Variants in CXADR observed in about 807,000 individuals in gnomAD.
CXADR encodes coxsackievirus and adenovirus receptor.
CXADR carries 20 observed loss-of-function variants against 40.3 expected under a neutral mutation model. The observed-to-expected ratio is 0.50, with a 90% CI of 0.35 to 0.72. The LOEUF (loss-of-function observed/expected upper bound fraction) is 0.72, where lower values mean the gene tolerates loss of function less well. CXADR is among the 30% of genes least tolerant of loss of function. The pLI is 0.01. For synonymous variants in CXADR, 150 were observed against 161.3 expected, an observed-to-expected ratio of 0.93 and a Z score of 0.53; for missense variants, 332 against 449.1, an observed-to-expected ratio of 0.74 and a Z score of 2.36.
At position 17,569,352 on chromosome 21, in the gene CXADR, T is replaced by G. The variant is rs2061255198; in HGVS notation, c.*3660T>G. 1 of 979,496 alleles carries G rather than the reference T, an allele frequency of 1.0e-6. No individual in the cohort carries two copies. Among genetic ancestry groups the G allele is most frequent in the African/African-American group, 1.8e-5 (1 of 55,526 alleles). The allele number at this position is 979,496 out of a possible 1,614,324, so 60.7% of individuals were successfully genotyped here. ...GCACAATTTTAACTTCTTAGTGGCT[T>G]GTGACATTATATATTATATATATAT... On this transcript the variant is annotated 3_prime_UTR_variant, in exon 7 of 7. Coordinates refer to ENST00000284878, the MANE Select transcript of CXADR (RefSeq NM_001338.5).
chr21:17,561,586 A>C, intron 6 of CXADR, 110 bp downstream of exon 6: 1 of 928,354 alleles, frequency 1.1e-6, no homozygotes, highest in Non-Finnish European at 1.6e-6. Context: ...GAGAATGGGT[A>C]AAAGCTCTGG....
chr21:17,553,771 G>A (rs1302903025), intron 3 of CXADR, among the ~76,000 whole-genome samples: 3 of 151,878 alleles, frequency 2.0e-5, no homozygotes, highest in Admixed American at 6.6e-5. Context: ...ACAGGTGCCC[G>A]CCACCACACC....
intron 7 of CXADR, among the ~76,000 whole-genome samples, chr21:17,585,414 A>G (rs2061387696): frequency 2.0e-5 from 3 of 152,238 alleles, no homozygotes; most frequent in African/African-American, 4.8e-5. Flanking sequence ...ATTTCATATC[A>G]TAATACAACA....
chr21:17,585,297 C>T (rs911146637), intron 7 of CXADR, among the ~76,000 whole-genome samples: 1 of 151,968 alleles, frequency 6.6e-6, no homozygotes, highest in Non-Finnish European at 1.5e-5. Flanking sequence ...AATTACAGCA[C>T]ATACATATGA....
At chr21:17,541,460 A>AG (rs2060827339) in intron 1 of CXADR, among the ~76,000 whole-genome samples, 1 of 151,910 alleles carries the variant, frequency 6.6e-6, no homozygotes, top group African/African-American at 2.4e-5. Context: ...GGGAGGCTTG[A>AG]GGCAGGAGAA....
chr21:17,634,977 G>A, the CXADR span, among the ~76,000 whole-genome samples: 1 of 152,096 alleles, frequency 6.6e-6, no homozygotes, highest in Admixed American at 6.5e-5. Flanking sequence ...TAGAACCTTT[G>A]ATTCCTTGGA....
chr21:17,560,805 G>A lies in CXADR; in HGVS notation c.675G>A (p.Leu225=). 2.5e-6 allele frequency: 4 copies of A among 1,613,786 alleles called. No individual in the cohort carries two copies. The highest frequency in any genetic ancestry group is 3.4e-6 in the Non-Finnish European group (4 of 1,179,846). ...RNRVGSDQCL[L]RLNVVPPSNK... is the part of the protein sequence containing the mutation. ...GAGTGGGCTCTGATCAGTGCCTGTTGCGTCTAAACGTTGTCCCTCGTAAGT... is the reference window on the plus strand; with the variant it reads ...GAGTGGGCTCTGATCAGTGCCTGTTACGTCTAAACGTTGTCCCTCGTAAGT... Residue 225 remains leucine (L), a synonymous_variant, in exon 5 of 7, where the codon TTG becomes TTA. Coordinates refer to ENST00000284878, the MANE Select transcript of CXADR (RefSeq NM_001338.5).
In CXADR at chr21:17,567,129, G is replaced by A. The variant is rs553781251; in HGVS notation, c.*1437G>A. On this transcript the variant is annotated 3_prime_UTR_variant, in exon 7 of 7. Coordinates refer to ENST00000284878, the MANE Select transcript of CXADR (RefSeq NM_001338.5). ...CCAACAGTTTCTTTATAATAAATAC[G>A]GTCTGCAATAAATTATTTCACTAGC... 100 of 983,492 alleles carry A rather than the reference G, an allele frequency of 1.0e-4. No individual in the cohort carries two copies. Among genetic ancestry groups the A allele is most frequent in the East Asian group, 1.1e-4 (1 of 8,790 alleles). The allele number at this position is 983,492 out of a possible 1,614,324, so 60.9% of individuals were successfully genotyped here.
intron 1 of CXADR, among the ~76,000 whole-genome samples, chr21:17,513,594 G>A (rs1044549402): frequency 2.6e-5 from 4 of 152,260 alleles, no homozygotes; most frequent in Non-Finnish European, 5.9e-5. Flanking sequence ...GAGTTTTCAG[G>A]TGTCGAGTCG....
At chr21:17,596,245 T>C (rs141887082), downstream of CXADR, among the ~76,000 whole-genome samples, 427 of 152,188 alleles carry the variant, frequency 2.8e-3, 1 homozygote, top group African/African-American at 9.8e-3. Context: ...GGTTTGCCCA[T>C]TTTCTTAATG....
the CXADR span, among the ~76,000 whole-genome samples, chr21:17,622,666 G>GCT: frequency 1.3e-5 from 2 of 152,222 alleles, no homozygotes; most frequent in Admixed American, 6.5e-5. Context: ...CACAATGGAG[G>GCT]TATTATGTAT....
intron 7 of CXADR, among the ~76,000 whole-genome samples, chr21:17,579,979 CTTTA>C (rs765726075): frequency 6.6e-6 from 1 of 151,794 alleles, no homozygotes; most frequent in Non-Finnish European, 1.5e-5. Context: ...TGATGGACTA[CTTTA>C]TTTATTTACT....
chr21:17,528,798 T>C (rs1374431012), intron 1 of CXADR, among the ~76,000 whole-genome samples: 1 of 152,098 alleles, frequency 6.6e-6, no homozygotes, highest in Non-Finnish European at 1.5e-5. Flanking sequence ...GCATCACACC[T>C]TCTCCTTAAT....
chr21:17,574,891 A>T (rs2061307504), downstream of CXADR, among the ~76,000 whole-genome samples: 1 of 152,120 alleles, frequency 6.6e-6, no homozygotes, highest in African/African-American at 2.4e-5. Context: ...GTGGATTACC[A>T]AGGATGTGTG....
the CXADR span, among the ~76,000 whole-genome samples, chr21:17,599,388 G>A: frequency 6.6e-6 from 1 of 151,720 alleles, no homozygotes; most frequent in Non-Finnish European, 1.5e-5. Flanking sequence ...CCATGTTGCT[G>A]AGGCTGGTCC....
chr21:17,529,935 T>C (rs1043136750), intron 1 of CXADR, among the ~76,000 whole-genome samples: 1 of 149,796 alleles, frequency 6.7e-6, no homozygotes, highest in African/African-American at 2.4e-5. Context: ...TTTACTATTT[T>C]TCTTTTTCTT....
the CXADR span, among the ~76,000 whole-genome samples, chr21:17,628,521 G>A: frequency 6.6e-6 from 1 of 151,136 alleles, no homozygotes; most frequent in African/African-American, 2.4e-5. Context: ...TTTTTTTTGA[G>A]ACGGAGTCTC....
At chr21:17,517,892 C>G (rs2060480904) in intron 1 of CXADR, among the ~76,000 whole-genome samples, 2 of 152,146 alleles carry the variant, frequency 1.3e-5, no homozygotes, top group Admixed American at 1.3e-4. Flanking sequence ...TCTTCTGGGT[C>G]TGACTAGGTA....
chr21:17,518,937 A>G, intron 1 of CXADR: 3 of 1,605,354 alleles, frequency 1.9e-6, no homozygotes, highest in Non-Finnish European at 2.6e-6. Flanking sequence ...TGCGAGCTGT[A>G]CCCTTGCCCC....
Sources: allele counts gnomAD v4.1 joint callset (sites outside exome capture counted in the v4.1 genomes callset), GRCh38; gene constraint gnomAD v4.1.1; transcripts MANE v1.5; gene names NCBI Gene and HGNC (gene_info 2026-07-23, HGNC 2026-07-21).